The following PGAP1 variants were observed in gnomAD, a reference collection of about 807,000 sequenced individuals.
PGAP1 encodes GPI inositol-deacylase.
A neutral mutation model predicts 127.0 loss-of-function variants in PGAP1; 76 were observed. The ratio of observed to expected loss-of-function variants is 0.60; its 90% confidence interval spans 0.50 to 0.72. The LOEUF (loss-of-function observed/expected upper bound fraction) is 0.72. Among genes scored for constraint, PGAP1 ranks in the 30% least tolerant of loss-of-function variants. The pLI, the probability that PGAP1 is intolerant of heterozygous loss-of-function variation, is 0.00. For missense variants in PGAP1, 982 were observed against 1,071.3 expected, an observed-to-expected ratio of 0.92 and a Z score of 1.16; for synonymous variants, 362 against 366.5, an observed-to-expected ratio of 0.99 and a Z score of 0.14.
At chr2:196,923,870 T>G (rs1004277373) in intron 1 of PGAP1, among the ~76,000 whole-genome samples, 1 of 152,172 alleles carries the variant, frequency 6.6e-6, no homozygotes, top group Non-Finnish European at 1.5e-5. Context: ...GCCAGACAAA[T>G]CACTGTATGA....
chr2:196,851,153 T>G lies in PGAP1; in HGVS notation c.1862-3116A>C, dbSNP rs578070449. 6.6e-3 allele frequency among the ~76,000 whole-genome samples: 988 copies of G among 149,376 alleles called. 5 individuals are homozygous for G. The highest frequency in any genetic ancestry group is 0.023 in the African/African-American group (924 of 40,042). ...AATCAAAATGGAGTCACTGTTTTTT[T>G]GTTTTTTTTAAAAAAAACAAAAAAA... On this transcript the variant is annotated intron_variant, in intron 20 of 26. Coordinates refer to ENST00000354764, the MANE Select transcript of PGAP1 (RefSeq NM_024989.4).
intron 26 of PGAP1, among the ~76,000 whole-genome samples, 180 bp from the exon 27 acceptor site, chr2:196,841,552 C>G (rs2098333557): frequency 6.6e-6 from 1 of 152,196 alleles, no homozygotes; most frequent in Non-Finnish European, 1.5e-5. Flanking sequence ...GAGTCTCACT[C>G]TGTTGCCCAG....
At chr2:196,889,803 G>A (rs1702037822) in intron 10 of PGAP1, among the ~76,000 whole-genome samples, 2 of 145,586 alleles carry the variant, frequency 1.4e-5, no homozygotes, top group Admixed American at 7.0e-5. Context: ...AGCTTGCAGT[G>A]AGCCGAGACT....
Position 196,886,157 on chromosome 2 carries a change from C to CTTT in PGAP1, c.1174-280_1174-278dup, listed in dbSNP as rs768495810. Among the ~76,000 whole-genome samples, 878 of 122,104 alleles carry CTTT rather than the reference C, an allele frequency of 7.2e-3. 18 individuals are homozygous for CTTT. Among genetic ancestry groups the CTTT allele is most frequent in the African/African-American group, 0.025 (802 of 32,186 alleles). The allele number at this position is 122,104 out of a possible 152,430, so 80.1% of individuals were successfully genotyped here. A position where few individuals can be genotyped will look rare whatever the true frequency, so the allele number is the denominator to read the frequency against. On this transcript the variant is annotated intron_variant, in intron 10 of 26. Transcript: ENST00000354764. ...GAAGGACTGCCCTGACTGGTTATCT[C>CTTT]TTTTTTTTTTTTTTTTTTTTTGAGA...
rs1700243185 is a variant in PGAP1 at position 196,836,640 on chromosome 2, G to A, written c.*4594C>T. ...TTAAACATATTGTGAAAGAATGCATGAGTAATGGGTAAACATAAAAGTTCA... is the reference window on the plus strand; with the variant it reads ...TTAAACATATTGTGAAAGAATGCATAAGTAATGGGTAAACATAAAAGTTCA... On this transcript the variant is annotated 3_prime_UTR_variant, in exon 27 of 27. Coordinates refer to ENST00000354764, the MANE Select transcript of PGAP1 (RefSeq NM_024989.4). 6.6e-6 allele frequency: 1 copy of A among 152,036 alleles called. No homozygotes were observed. The highest frequency in any genetic ancestry group is 6.6e-5 in the Admixed American group (1 of 15,260). The allele number at this position is 152,036 out of a possible 1,614,324, so 9.4% of individuals were successfully genotyped here. A position where few individuals can be genotyped will look rare whatever the true frequency, so the allele number is the denominator to read the frequency against.
chr2:196,865,676 T>C (rs1701216774), intron 19 of PGAP1, among the ~76,000 whole-genome samples: 1 of 152,218 alleles, frequency 6.6e-6, no homozygotes, highest in African/African-American at 2.4e-5. Flanking sequence ...TTATTAACTT[T>C]TTATGTCCTT....
intron 21 of PGAP1, chr2:196,847,444 G>T: frequency 4.1e-6 from 1 of 245,558 alleles, no homozygotes. Flanking sequence ...GATACTAGTA[G>T]AAAGTAATAT....
intron 25 of PGAP1, among the ~76,000 whole-genome samples, chr2:196,843,254 T>C (rs945883915): frequency 2.6e-5 from 4 of 152,188 alleles, no homozygotes; most frequent in African/African-American, 4.8e-5. Context: ...AAAATGTCTA[T>C]AGCCTTTCAG....
intron 3 of PGAP1, among the ~76,000 whole-genome samples, chr2:196,914,096 C>T (rs2125835364): frequency 6.6e-6 from 1 of 152,212 alleles, no homozygotes; most frequent in Admixed American, 6.5e-5. Context: ...TTAGCAAAAG[C>T]CAAACCCTAC....
chr2:196,917,817 T>C (rs1207844600), intron 2 of PGAP1, among the ~76,000 whole-genome samples: 2 of 152,190 alleles, frequency 1.3e-5, no homozygotes, highest in Non-Finnish European at 2.9e-5. Context: ...AGTTTTTGTG[T>C]GGGTATATGT....
At chr2:196,884,377 G>C (rs562605531) in intron 12 of PGAP1, among the ~76,000 whole-genome samples, 11 of 152,290 alleles carry the variant, frequency 7.2e-5, no homozygotes, top group Non-Finnish European at 1.3e-4. Context: ...CCTTAAAAAT[G>C]TTCAAGAGTC....
At chr2:196,875,848 G>T (rs1351606901) in intron 13 of PGAP1, 27 bp from the exon 14 acceptor site, 3 of 1,171,050 alleles carry the variant, frequency 2.6e-6, no homozygotes, top group South Asian at 1.3e-5. Context: ...TGATTTATTA[G>T]AAAAAGTAAG....
chr2:196,875,108 GA>G (rs1559347346), intron 14 of PGAP1, among the ~76,000 whole-genome samples: 1 of 152,154 alleles, frequency 6.6e-6, no homozygotes, highest in Non-Finnish European at 1.5e-5. Flanking sequence ...TCAAAGTTGT[GA>G]AAGACAAGGA....
intron 6 of PGAP1, among the ~76,000 whole-genome samples, chr2:196,897,574 T>G: frequency 6.6e-6 from 1 of 152,050 alleles, no homozygotes; most frequent in East Asian, 1.9e-4. Context: ...TGAAACACAA[T>G]GAGATAAATA....
chr2:196,834,114 A>G lies in PGAP1; in HGVS notation c.*7120T>C, dbSNP rs1700172256. 2 of 152,082 alleles carry G rather than the reference A, an allele frequency of 1.3e-5. No individual in the cohort carries two copies. The highest frequency in any genetic ancestry group is 4.8e-5 in the African/African-American group (2 of 41,458). The allele number at this position is 152,082 out of a possible 1,614,324, so 9.4% of individuals were successfully genotyped here. On this transcript the variant is annotated 3_prime_UTR_variant, in exon 27 of 27. Coordinates refer to ENST00000354764, the MANE Select transcript of PGAP1 (RefSeq NM_024989.4). The stretch of plus-strand genomic sequence containing the variant: ...CATGTCTTTGACAGATTACTCATTA[A>G]TAAGACAAAAAATTACATTTGAAGA...
chr2:196,874,063 G>A (rs865904457), intron 14 of PGAP1: 18 of 209,792 alleles, frequency 8.6e-5, no homozygotes, highest in Middle Eastern at 4.0e-3. Flanking sequence ...CAATGATATG[G>A]GTGATTCAGA....
intron 20 of PGAP1, among the ~76,000 whole-genome samples, chr2:196,855,411 A>G (rs1700848407): frequency 6.6e-6 from 1 of 152,016 alleles, no homozygotes; most frequent in South Asian, 2.1e-4. Flanking sequence ...CACCTGTCCA[A>G]TAAGCACTCT....
intron 6 of PGAP1, among the ~76,000 whole-genome samples, chr2:196,897,977 G>C (rs1423526129): frequency 6.6e-6 from 1 of 152,124 alleles, no homozygotes; most frequent in African/African-American, 2.4e-5. Flanking sequence ...CAGCACTTTG[G>C]GAGGCCAATG....
At chr2:196,873,930 A>G (rs1386658140) in intron 14 of PGAP1, 172 bp from the exon 15 acceptor site, 4 of 499,310 alleles carry the variant, frequency 8.0e-6, no homozygotes, top group Non-Finnish European at 1.4e-5. Context: ...TAAACTCTAG[A>G]CAAAATAAAT....
Sources: gnomAD v4.1 joint callset for allele counts (sites outside exome capture counted in the v4.1 genomes callset) on GRCh38, gnomAD v4.1.1 for gene constraint, MANE v1.5 for transcripts, NCBI Gene and HGNC (gene_info 2026-07-23, HGNC 2026-07-21) for gene names.